The following FHIT variants were observed in gnomAD, a reference collection of about 807,000 sequenced individuals.
FHIT encodes fragile histidine triad diadenosine triphosphatase.
A neutral mutation model predicts 17.9 loss-of-function variants in FHIT; 19 were observed. The observed-to-expected ratio is 1.06, with a 90% CI of 0.74 to 1.56. The LOEUF (loss-of-function observed/expected upper bound fraction) is 1.56. Ranked by LOEUF, FHIT falls within the 40% of genes most tolerant of loss-of-function variation. The pLI is 0.00. For missense variants in FHIT, 248 were observed against 189.2 expected (o/e 1.31, Z -1.82); for synonymous variants, 81 against 69.7 (o/e 1.16, Z -0.81).
intron 2 of FHIT, among the ~76,000 whole-genome samples, chr3:61,126,880 G>T (rs1236908993): frequency 6.6e-6 from 1 of 152,072 alleles, no homozygotes; most frequent in Non-Finnish European, 1.5e-5. Flanking sequence ...TACTGTACAA[G>T]TTCCTGGAAG....
At position 60,001,541 on chromosome 3, in the gene FHIT, G is replaced by A. The variant is rs527574228; in HGVS notation, c.279+9830C>T. Among the ~76,000 whole-genome samples, 5 of 152,260 alleles carry A rather than the reference G, an allele frequency of 3.3e-5. No individual in the cohort carries two copies. In the East Asian group the frequency reaches 7.7e-4, roughly 24 times the overall value. Reference sequence around the variant, plus strand: ...AGACTACTTTGGTAGTGAGGAAATCGAGATCAGAGCGATTCAGAACTGGAA... The same window carrying A: ...AGACTACTTTGGTAGTGAGGAAATCAAGATCAGAGCGATTCAGAACTGGAA... On this transcript the variant is annotated intron_variant, in intron 7 of 9. Transcript: ENST00000492590.
chr3:59,874,328 A>C (rs1703055158), intron 8 of FHIT, among the ~76,000 whole-genome samples: 1 of 152,214 alleles, frequency 6.6e-6, no homozygotes, highest in South Asian at 2.1e-4. Context: ...CTGGTTAAAA[A>C]GTTCAAAAAA....
At chr3:60,470,058 T>TTCTTTCTTTCTCTCTCTCTCTC in intron 5 of FHIT, among the ~76,000 whole-genome samples, 1 of 143,040 alleles carries the variant, frequency 7.0e-6, no homozygotes, top group African/African-American at 2.7e-5. Context: ...CTCTCTTTCT[T>TTCTTTCTTTCTCTCTCTCTCTC]TCTCTCTCTC....
rs561459903 is a variant in FHIT, at chr3:60,376,433, A to C, written c.103+160427T>G. Among the ~76,000 whole-genome samples the C allele has an allele frequency of 7.9e-5, 12 of 152,336 alleles. 1 individual carries two copies. In the South Asian group the frequency reaches 2.5e-3, roughly 32 times the overall value. On this transcript the variant is annotated intron_variant, in intron 5 of 9. Coordinates refer to ENST00000492590, the MANE Select transcript of FHIT (RefSeq NM_002012.4). ...TCCAGAAAATGCCACCAGAAATTAT[A>C]AAAATCAGTGGTAAAATGTGGTTGC...
chr3:60,372,675 T>G (rs994530316), intron 5 of FHIT, among the ~76,000 whole-genome samples: 8 of 152,242 alleles, frequency 5.3e-5, no homozygotes, highest in African/African-American at 1.9e-4. Flanking sequence ...TACTTCAGTA[T>G]GCATTAACCT....
intron 7 of FHIT, among the ~76,000 whole-genome samples, chr3:59,989,080 G>C (rs1255949417): frequency 2.0e-5 from 3 of 152,030 alleles, no homozygotes; most frequent in African/African-American, 7.2e-5. Context: ...AGAGGTTCTG[G>C]GAAGGGGAGC....
chr3:60,136,828 A>G (rs1423963512), intron 5 of FHIT, among the ~76,000 whole-genome samples: 2 of 151,802 alleles, frequency 1.3e-5, no homozygotes, highest in Non-Finnish European at 2.9e-5. Context: ...ATCTTTTTCT[A>G]TTTTATACAA....
intron 5 of FHIT, among the ~76,000 whole-genome samples, chr3:60,180,386 C>A (rs1406590526): frequency 6.6e-6 from 1 of 152,122 alleles, no homozygotes; most frequent in African/African-American, 2.4e-5. Context: ...TTGGGTTTGT[C>A]AGAATTAAGG....
chr3:60,289,804 A>T (rs1707899146), intron 5 of FHIT, among the ~76,000 whole-genome samples: 1 of 135,612 alleles, frequency 7.4e-6, no homozygotes, highest in Non-Finnish European at 1.6e-5. Flanking sequence ...ATGAGAGTGT[A>T]GCTGCTATGG....
At chr3:60,421,536 G>T (rs1227632538) in intron 5 of FHIT, among the ~76,000 whole-genome samples, 1 of 151,930 alleles carries the variant, frequency 6.6e-6, no homozygotes, top group African/African-American at 2.4e-5. Context: ...ATTTTTACTA[G>T]GAGAAAATCA....
intron 5 of FHIT, among the ~76,000 whole-genome samples, chr3:60,222,499 T>A (rs542628635): frequency 7.2e-5 from 11 of 152,144 alleles, no homozygotes; most frequent in Non-Finnish European, 1.3e-4. Context: ...CCATTAAAAG[T>A]AATGGCAAAG....
intron 5 of FHIT, among the ~76,000 whole-genome samples, chr3:60,185,727 A>G (rs1308706696): frequency 1.3e-5 from 2 of 152,194 alleles, no homozygotes; most frequent in Non-Finnish European, 1.5e-5. Context: ...GCTATTTTAC[A>G]TTCTCATAAG....
chr3:60,556,638 A>G (rs1436136034), intron 4 of FHIT, among the ~76,000 whole-genome samples: 1 of 152,268 alleles, frequency 6.6e-6, no homozygotes, highest in Non-Finnish European at 1.5e-5. Flanking sequence ...AGCTCTTCTC[A>G]GTACAAGTGG....
intron 2 of FHIT, among the ~76,000 whole-genome samples, chr3:61,133,073 T>A (rs1190591100): frequency 1.3e-5 from 2 of 152,208 alleles, no homozygotes; most frequent in Non-Finnish European, 2.9e-5. Flanking sequence ...TCCTAATTCA[T>A]TCATATTCAT....
chr3:60,811,510 G>A (rs546940713), intron 4 of FHIT, among the ~76,000 whole-genome samples: 2 of 152,094 alleles, frequency 1.3e-5, no homozygotes, highest in African/African-American at 2.4e-5. Flanking sequence ...TAGCAGTAGC[G>A]GTTAGCAGAT....
At chr3:60,539,802 G>A (rs559223891) in intron 4 of FHIT, among the ~76,000 whole-genome samples, 32 of 152,178 alleles carry the variant, frequency 2.1e-4, no homozygotes, top group African/African-American at 5.1e-4. Flanking sequence ...GGGGTGGGGC[G>A]AGGGTGGAGG....
Position 61,203,689 on chromosome 3 carries a change from A to G in FHIT, c.-212-3024T>C, listed in dbSNP as rs185272114. 1.1e-3 allele frequency among the ~76,000 whole-genome samples: 172 copies of G among 152,364 alleles called. No homozygotes were observed. In the Middle Eastern group the frequency reaches 0.037, roughly 33 times the overall value. ...AAAACAATTTTTAGCATTTGCCAAT[A>G]AAGTGAAACTGAGTGGTTTATCACA... On this transcript the variant is annotated intron_variant, in intron 1 of 9. Coordinates refer to ENST00000492590, the MANE Select transcript of FHIT (RefSeq NM_002012.4).
At chr3:60,570,869 G>A (rs968449035) in intron 4 of FHIT, among the ~76,000 whole-genome samples, 1 of 151,734 alleles carries the variant, frequency 6.6e-6, no homozygotes, top group African/African-American at 2.4e-5. Context: ...AAAAAATAGT[G>A]CACTAGTTCC....
chr3:59,958,770 A>T (rs1384365213), intron 7 of FHIT, among the ~76,000 whole-genome samples: 2 of 151,902 alleles, frequency 1.3e-5, no homozygotes, highest in Non-Finnish European at 2.9e-5. Flanking sequence ...ACCTTCTATG[A>T]CTCTCTCCTT....
Sources: gnomAD v4.1 joint callset for allele counts (sites outside exome capture counted in the v4.1 genomes callset) on GRCh38, gnomAD v4.1.1 for gene constraint, MANE v1.5 for transcripts, NCBI Gene and HGNC (gene_info 2026-07-23, HGNC 2026-07-21) for gene names.